ITGA9: variants seen among roughly 807,000 people sequenced by gnomAD.
ITGA9 encodes integrin alpha-9.
In ITGA9, 56 loss-of-function variants were observed where a neutral mutation model predicts 127.8. The ratio of observed to expected loss-of-function variants is 0.44; its 90% confidence interval spans 0.35 to 0.55. The LOEUF (loss-of-function observed/expected upper bound fraction) is 0.55. Ranked by LOEUF, ITGA9 falls within the 20% of genes least tolerant of loss-of-function variation. The probability of loss-of-function intolerance (pLI) is 0.00; values close to 1 mark genes in which losing one functional copy is unlikely to be tolerated. For missense variants in ITGA9, 1,196 were observed against 1,347.1 expected (o/e 0.89, Z 1.76); for synonymous variants, 508 against 514.5 (o/e 0.99, Z 0.17).
chr3:37,797,347 C>G (rs1397333940), intron 26 of ITGA9, among the ~76,000 whole-genome samples: 1 of 151,914 alleles, frequency 6.6e-6, no homozygotes, highest in Non-Finnish European at 1.5e-5. Flanking sequence ...AGAGTGAGAC[C>G]CTGTCTCCAA....
At chr3:37,530,990 A>T (rs1699145635) in intron 13 of ITGA9, among the ~76,000 whole-genome samples, 1 of 151,752 alleles carries the variant, frequency 6.6e-6, no homozygotes, top group East Asian at 1.9e-4. Context: ...TGACCTTGTG[A>T]TCCACCCGCC....
rs374147764 is a variant in ITGA9, at chr3:37,517,633, G to A, written c.1141+24G>A. Reference sequence around the variant, plus strand: ...AGGTGAGTGAGTGCTCCTGGTGCACGGAGCCCCTCCAGGTGCAGCACGCTG... The same window carrying A: ...AGGTGAGTGAGTGCTCCTGGTGCACAGAGCCCCTCCAGGTGCAGCACGCTG... On this transcript the variant is annotated intron_variant, in intron 10 of 27. Transcript: ENST00000264741. 1.1e-5 allele frequency: 16 copies of A among 1,498,536 alleles called. No homozygotes were observed. In the African/African-American group the frequency reaches 1.2e-4, roughly 12 times the overall value. The allele number at this position is 1,498,536 out of a possible 1,614,324, so 92.8% of individuals were successfully genotyped here.
At chr3:37,653,542 G>A (rs1700448350) in intron 16 of ITGA9, among the ~76,000 whole-genome samples, 172 bp from the exon 17 acceptor site, 1 of 152,168 alleles carries the variant, frequency 6.6e-6, no homozygotes, top group Non-Finnish European at 1.5e-5. Context: ...CTTCCTTGGA[G>A]CTTGGAAGAA....
intron 26 of ITGA9, among the ~76,000 whole-genome samples, chr3:37,800,725 A>G (rs563253327): frequency 6.6e-6 from 1 of 152,330 alleles, no homozygotes; most frequent in East Asian, 1.9e-4. Flanking sequence ...GCTCTTTTTA[A>G]TAACCCCAAG....
chr3:37,459,848 A>G (rs184166684), intron 1 of ITGA9, among the ~76,000 whole-genome samples: 20 of 152,342 alleles, frequency 1.3e-4, no homozygotes, highest in African/African-American at 2.2e-4. Flanking sequence ...TTGCAATAGC[A>G]GTAGCTTCTC....
chr3:37,767,004 A>G (rs889848880), intron 23 of ITGA9, among the ~76,000 whole-genome samples: 1 of 152,160 alleles, frequency 6.6e-6, no homozygotes, highest in Non-Finnish European at 1.5e-5. Flanking sequence ...TTACATGTAA[A>G]TTAATTAAAG....
intron 17 of ITGA9, among the ~76,000 whole-genome samples, chr3:37,681,523 T>A (rs1044982100): frequency 6.6e-6 from 1 of 152,202 alleles, no homozygotes; most frequent in Non-Finnish European, 1.5e-5. Context: ...GCCCCCTTTC[T>A]GCTGATGTGC....
At chr3:37,751,206 C>T (rs972465049) in intron 23 of ITGA9, among the ~76,000 whole-genome samples, 4 of 152,222 alleles carry the variant, frequency 2.6e-5, no homozygotes, top group Admixed American at 6.5e-5. Context: ...TCACTCCTCC[C>T]GAGATGCCAG....
rs568777089 is a variant in ITGA9 at position 37,724,954 on chromosome 3, A to T, written c.2068-7758A>T. 1.1e-4 allele frequency among the ~76,000 whole-genome samples: 17 copies of T among 152,212 alleles called. No individual in the cohort carries two copies. In the South Asian group the frequency reaches 2.3e-3, roughly 20 times the overall value. ...ACTTTGAGTATGTTAAGACCCCAGG[A>T]AGGCTTATACTTGATCTTTGTATCC... On this transcript the variant is annotated intron_variant, in intron 18 of 27. Coordinates refer to ENST00000264741, the MANE Select transcript of ITGA9 (RefSeq NM_002207.3).
intron 15 of ITGA9, among the ~76,000 whole-genome samples, chr3:37,623,661 G>T (rs1046579226): frequency 1.5e-5 from 2 of 133,994 alleles, no homozygotes; most frequent in African/African-American, 5.6e-5. Context: ...TTAAACAGGG[G>T]TGTGTGTGTG....
chr3:37,729,109 G>A (rs1559580548), intron 18 of ITGA9, among the ~76,000 whole-genome samples: 1 of 152,060 alleles, frequency 6.6e-6, no homozygotes, highest in Non-Finnish European at 1.5e-5. Context: ...AAGGGGTTCT[G>A]AGTGGAGCAC....
At chr3:37,699,932 C>T (rs1700927846) in intron 18 of ITGA9, among the ~76,000 whole-genome samples, 1 of 152,174 alleles carries the variant, frequency 6.6e-6, no homozygotes, top group African/African-American at 2.4e-5. Context: ...CCCTATCTGT[C>T]CTCTTTATCT....
At chr3:37,573,135 T>A (rs1264626782) in intron 15 of ITGA9, 3 of 152,132 alleles carry the variant, frequency 2.0e-5, no homozygotes, top group Non-Finnish European at 4.4e-5. Flanking sequence ...GGGATTTTTT[T>A]TTGTGGAGGA....
chr3:37,524,020 A>G (rs1343775362), intron 12 of ITGA9, among the ~76,000 whole-genome samples: 1 of 152,228 alleles, frequency 6.6e-6, no homozygotes, highest in Non-Finnish European at 1.5e-5. Flanking sequence ...TACTCTTGAA[A>G]TAAAATGATG....
intron 6 of ITGA9, 36 bp from the exon 7 acceptor site, chr3:37,505,964 T>C: frequency 2.1e-6 from 3 of 1,454,712 alleles, no homozygotes; most frequent in Non-Finnish European, 2.9e-6. Flanking sequence ...CCCTTCTTTT[T>C]CAACCGTGTG....
chr3:37,582,554 G>A (rs1462941807), intron 15 of ITGA9, among the ~76,000 whole-genome samples: 1 of 152,214 alleles, frequency 6.6e-6, no homozygotes, highest in Non-Finnish European at 1.5e-5. Flanking sequence ...AGTAAGTAGT[G>A]ACTGCCTAGG....
intron 17 of ITGA9, among the ~76,000 whole-genome samples, chr3:37,665,774 G>T (rs1042649942): frequency 6.6e-6 from 1 of 152,172 alleles, no homozygotes; most frequent in African/African-American, 2.4e-5. Context: ...CTTTCTAGGA[G>T]GGGGCAGCAG....
At chr3:37,688,762 C>T (rs937437187) in intron 18 of ITGA9, among the ~76,000 whole-genome samples, 2 of 152,176 alleles carry the variant, frequency 1.3e-5, no homozygotes, top group South Asian at 2.1e-4. Context: ...AGCCCGTGTG[C>T]AGGCTCCTCA....
At chr3:37,587,362 G>A (rs1699768956) in intron 15 of ITGA9, among the ~76,000 whole-genome samples, 1 of 152,196 alleles carries the variant, frequency 6.6e-6, no homozygotes, top group Non-Finnish European at 1.5e-5. Flanking sequence ...CCTAACTCCA[G>A]TAATGAATTT....
Sources: allele counts gnomAD v4.1 joint callset (sites outside exome capture counted in the v4.1 genomes callset), GRCh38; gene constraint gnomAD v4.1.1; transcripts MANE v1.5; gene names NCBI Gene and HGNC (gene_info 2026-07-23, HGNC 2026-07-21).